ENTPD7: variants seen among roughly 807,000 people sequenced by gnomAD.
ENTPD7 encodes the protein ectonucleoside triphosphate diphosphohydrolase 7.
ENTPD7 carries 53 observed loss-of-function variants against 77.9 expected under a neutral mutation model. The observed-to-expected ratio is 0.68, with a 90% CI of 0.55 to 0.85. The LOEUF is 0.85. Among genes scored for constraint, ENTPD7 ranks in the 40% least tolerant of loss-of-function variants. The pLI is 0.00. For missense variants in ENTPD7, 636 were observed against 743.7 expected (o/e 0.86, Z 1.68); for synonymous variants, 248 against 274.9 (o/e 0.90, Z 0.97).
intron 3 of ENTPD7, among the ~76,000 whole-genome samples, chr10:99,663,993 A>G (rs115275942): frequency 0.014 from 2,111 of 151,286 alleles, 53 homozygotes; most frequent in African/African-American, 0.048. Context: ...TTTCATTCGT[A>G]TATTTTTTTG....
At chr10:99,685,139 C>G (rs562653187) in intron 5 of ENTPD7, among the ~76,000 whole-genome samples, 11 of 152,302 alleles carry the variant, frequency 7.2e-5, no homozygotes, top group Non-Finnish European at 1.6e-4. Flanking sequence ...TGCCTGTAAT[C>G]CCAGCTACTT....
rs1345768895 is a variant in ENTPD7, at chr10:99,699,004, TGAG to T, written c.1335+149_1335+151del. On this transcript the variant is annotated intron_variant, in intron 10 of 12. Coordinates refer to ENST00000370489, the MANE Select transcript of ENTPD7 (RefSeq NM_020354.5). ...GCCCTTTGAACACTCATTTTACAGATGAGGAAGTGGACAGAGAACTTAAGGATC... is the reference window on the plus strand; with the variant it reads ...GCCCTTTGAACACTCATTTTACAGATGAAGTGGACAGAGAACTTAAGGATC... The T allele has an allele frequency of 9.7e-6, 7 of 719,092 alleles. No homozygotes were observed. In the Admixed American group the frequency reaches 2.2e-4, roughly 22 times the overall value. The allele number at this position is 719,092 out of a possible 1,614,324, so 44.5% of individuals were successfully genotyped here. A position where few individuals can be genotyped will look rare whatever the true frequency, so the allele number is the denominator to read the frequency against.
rs2035888081 is a variant in ENTPD7, at chr10:99,691,817, A to G, written c.843+299A>G. 2.0e-5 allele frequency among the ~76,000 whole-genome samples: 3 copies of G among 152,206 alleles called. No homozygotes were observed. The South Asian group carries it at 6.2e-4, about 31-fold the overall frequency. ...ACATTTTAACAATTATAACTATACT[A>G]GGTATCTCCTGCCATTGCTGAGGAT... On this transcript the variant is annotated intron_variant, in intron 8 of 12. Coordinates refer to ENST00000370489, the MANE Select transcript of ENTPD7 (RefSeq NM_020354.5).
intron 3 of ENTPD7, among the ~76,000 whole-genome samples, chr10:99,667,450 G>A (rs757564488): frequency 7.9e-5 from 12 of 152,312 alleles, no homozygotes; most frequent in Non-Finnish European, 1.2e-4. Context: ...GTTTAGGTAC[G>A]GTTGTATAGA....
intron 7 of ENTPD7, among the ~76,000 whole-genome samples, chr10:99,689,035 T>C (rs1380351139): frequency 6.6e-6 from 1 of 151,846 alleles, no homozygotes; most frequent in Non-Finnish European, 1.5e-5. Flanking sequence ...TATCCCCCCA[T>C]GTATTAAAGG....
rs1343712018 is a variant in ENTPD7 at position 99,706,502 on chromosome 10, ATTT to A, written c.*1823_*1825del. ...AGGTGTGCGCCACCACACTCAGCTAATTTTTTATTTTATTTTTTTAGAGATGGA... is the reference window on the plus strand; with the variant it reads ...AGGTGTGCGCCACCACACTCAGCTAATTTATTTTATTTTTTTAGAGATGGA... On this transcript the variant is annotated 3_prime_UTR_variant, in exon 13 of 13. Transcript: ENST00000370489. Among the ~76,000 whole-genome samples, 1 of 42,632 alleles carries A rather than the reference ATTT, an allele frequency of 2.3e-5. No individual in the cohort carries two copies. The highest frequency in any genetic ancestry group is 5.3e-4 in the East Asian group (1 of 1,872). The allele number at this position is 42,632 out of a possible 152,430, so 28.0% of individuals were successfully genotyped here.
intron 10 of ENTPD7, among the ~76,000 whole-genome samples, chr10:99,700,394 G>A (rs922208424): frequency 6.2e-5 from 8 of 128,356 alleles, no homozygotes; most frequent in South Asian, 2.6e-4. Flanking sequence ...CCAACGTACC[G>A]TGTGTGTGTG....
At chr10:99,701,137 CAGA>C in intron 11 of ENTPD7, 79 bp downstream of exon 11, 4 of 1,225,268 alleles carry the variant, frequency 3.3e-6, no homozygotes, top group Non-Finnish European at 4.8e-6. Flanking sequence ...AGCAATAATG[CAGA>C]TTAGATTTCA....
rs1356221673 is a variant in ENTPD7 at position 99,708,586 on chromosome 10, A to AT, written c.*3907dup. 1.3e-5 allele frequency among the ~76,000 whole-genome samples: 2 copies of AT among 152,208 alleles called. No individual in the cohort carries two copies. The highest frequency in any genetic ancestry group is 3.8e-4 in the East Asian group (2 of 5,204). ...GAAGACAAGGTAGAAAAATCATATG[A>AT]TTTTGGGAAGAGCATTTTGTCCTTT... On this transcript the variant is annotated 3_prime_UTR_variant, in exon 13 of 13. Transcript: ENST00000370489.
intron 5 of ENTPD7, among the ~76,000 whole-genome samples, chr10:99,680,133 C>A (rs1036956589): frequency 2.6e-5 from 4 of 152,154 alleles, no homozygotes; most frequent in African/African-American, 9.7e-5. Context: ...ACATAGAGAA[C>A]ATAATTACAG....
chr10:99,687,501 G>A (rs7903866), intron 6 of ENTPD7, among the ~76,000 whole-genome samples: 127,272 of 151,352 alleles, frequency 0.84, 53,748 homozygotes, highest in Middle Eastern at 0.92. Flanking sequence ...TCCTGACCTC[G>A]TGATCCACCC....
chr10:99,672,190 G>A (rs1455169967), intron 3 of ENTPD7, among the ~76,000 whole-genome samples: 3 of 151,976 alleles, frequency 2.0e-5, no homozygotes, highest in Non-Finnish European at 4.4e-5. Flanking sequence ...TCACTATGTT[G>A]CCCAGGTTGG....
Position 99,709,740 on chromosome 10 carries a change from A to G in ENTPD7, c.*5057A>G, listed in dbSNP as rs1295433507. ...GCTTCATTTTAAGCCTGCTCTGTCT[A>G]CTTATCTTCCTTATATCCTAATAGA... On this transcript the variant is annotated 3_prime_UTR_variant, in exon 13 of 13. Transcript: ENST00000370489. The G allele has an allele frequency of 1.3e-5, 13 of 985,188 alleles. No individual in the cohort carries two copies. Among genetic ancestry groups the G allele is most frequent in the African/African-American group, 8.7e-5 (5 of 57,206 alleles). 61.0% of individuals were successfully genotyped at this position (985,188 alleles called of 1,614,324 possible).
chr10:99,689,933 C>A (rs1175323966), intron 7 of ENTPD7, among the ~76,000 whole-genome samples: 1 of 152,150 alleles, frequency 6.6e-6, no homozygotes, highest in East Asian at 1.9e-4. Flanking sequence ...CAGAATAAAT[C>A]CTTGATTCTT....
intron 3 of ENTPD7, among the ~76,000 whole-genome samples, chr10:99,664,511 G>A (rs893233452): frequency 2.7e-5 from 4 of 149,252 alleles, no homozygotes; most frequent in Non-Finnish European, 4.4e-5. Flanking sequence ...GTGCAGTGGC[G>A]CTGTCTCAGC....
In ENTPD7 at chr10:99,711,047, T is replaced by C. The variant is rs1033859543; in HGVS notation, c.*6364T>C. On this transcript the variant is annotated 3_prime_UTR_variant, in exon 13 of 13. Transcript: ENST00000370489. ...TAATTATCCATTTTCCATTCATGCATTCACTAATTCAATATTTGATATGTG... is the reference window on the plus strand; with the variant it reads ...TAATTATCCATTTTCCATTCATGCACTCACTAATTCAATATTTGATATGTG... 2 of 985,236 alleles carry C rather than the reference T, an allele frequency of 2.0e-6. No individual in the cohort carries two copies. The highest frequency in any genetic ancestry group is 6.2e-5 in the Admixed American group (1 of 16,260). 61.0% of individuals were successfully genotyped at this position (985,236 alleles called of 1,614,324 possible).
rs140682188 is a variant in ENTPD7 at position 99,683,473 on chromosome 10, A to C, written c.549-2319A>C. Among the ~76,000 whole-genome samples the C allele has an allele frequency of 2.2e-3, 334 of 152,362 alleles. 1 individual carries two copies. The highest frequency in any genetic ancestry group is 3.6e-3 in the Non-Finnish European group (246 of 68,028). ...AATACAAGGTGGTGTTTAATAAAAT[A>C]ATAATTTTTATTTTAGGAAATTTCA... is the stretch of plus-strand genomic sequence containing the variant. On this transcript the variant is annotated intron_variant, in intron 5 of 12. Coordinates refer to ENST00000370489, the MANE Select transcript of ENTPD7 (RefSeq NM_020354.5).
At position 99,659,783 on chromosome 10, in the gene ENTPD7, A is replaced by T; in HGVS notation, c.-95-79A>T. ...CAGACGGAGCGGGAGCCTGGGGAGG[A>T]GGTGGGAGCCGTGGAATTCCCGTGC... On this transcript the variant is annotated intron_variant, in intron 1 of 12. Transcript: ENST00000370489. The surrounding 1 kb of genome is among the most constrained non-coding windows in gnomAD (Gnocchi z 4.1). 1.3e-6 allele frequency: 1 copy of T among 786,456 alleles called. No individual in the cohort carries two copies. Among genetic ancestry groups the T allele is most frequent in the South Asian group, 1.8e-5 (1 of 55,476 alleles). 48.7% of individuals were successfully genotyped at this position (786,456 alleles called of 1,614,324 possible). A position where few individuals can be genotyped will look rare whatever the true frequency, so the allele number is the denominator to read the frequency against.
At position 99,704,946 on chromosome 10, in the gene ENTPD7, TC is replaced by T; in HGVS notation, c.*264del. The T allele has an allele frequency of 1.0e-5, 5 of 492,840 alleles. No individual in the cohort carries two copies. The South Asian group carries it at 1.2e-4, about 11-fold the overall frequency. The allele number at this position is 492,840 out of a possible 1,614,324, so 30.5% of individuals were successfully genotyped here. On this transcript the variant is annotated 3_prime_UTR_variant, in exon 13 of 13. Coordinates refer to ENST00000370489, the MANE Select transcript of ENTPD7 (RefSeq NM_020354.5). ...AAGCTTTGTCCAAGTGAAGCAGGCT[TC>T]GACTCCTTCTGAGAGGTCTGGTGTG...
Sources: allele counts gnomAD v4.1 joint callset (sites outside exome capture counted in the v4.1 genomes callset), GRCh38; gene constraint gnomAD v4.1.1; non-coding constraint Gnocchi (gnomAD v3.1); transcripts MANE v1.5; gene names NCBI Gene and HGNC (gene_info 2026-07-23, HGNC 2026-07-21).